The following HSD17B4 variants were observed in gnomAD, a reference collection of about 807,000 sequenced individuals.
HSD17B4 encodes hydroxysteroid 17-beta dehydrogenase 4, also known as peroxisomal multifunctional enzyme type 2.
In HSD17B4, 70 loss-of-function variants were observed where a neutral mutation model predicts 101.0. That is an observed-to-expected ratio of 0.69 (90% CI 0.57 to 0.85). The LOEUF (loss-of-function observed/expected upper bound fraction) is 0.85. Ranked by LOEUF, HSD17B4 falls within the 40% of genes least tolerant of loss-of-function variation. The probability of loss-of-function intolerance (pLI) is 0.00; values close to 1 mark genes in which losing one functional copy is unlikely to be tolerated. For synonymous variants in HSD17B4, 347 were observed against 297.1 expected, an observed-to-expected ratio of 1.17 and a Z score of -1.73; for missense variants, 984 against 892.4, an observed-to-expected ratio of 1.10 and a Z score of -1.31.
At chr5:119,456,511 C>T (rs986297873) in intron 2 of HSD17B4, 143 bp downstream of exon 2, 109 of 666,300 alleles carry the variant, frequency 1.6e-4, no homozygotes, top group Non-Finnish European at 1.0e-4. Context: ...GTTTTTACCC[C>T]GACTAAGGCT....
rs183990127 is a variant in HSD17B4, at chr5:119,464,228, A to C, written c.112+7860A>C. Reference sequence around the variant, plus strand: ...TTGTTTATTTTTGCTTTTGTTGCCTATGCTTCCGAGGTCTCATTTATAAAA... The same window carrying C: ...TTGTTTATTTTTGCTTTTGTTGCCTCTGCTTCCGAGGTCTCATTTATAAAA... On this transcript the variant is annotated intron_variant, in intron 2 of 23. Coordinates refer to ENST00000510025, the MANE Select transcript of HSD17B4 (RefSeq NM_000414.4). Among the ~76,000 whole-genome samples the C allele has an allele frequency of 2.6e-5, 4 of 152,104 alleles. No homozygotes were observed. The South Asian group carries it at 8.3e-4, about 32-fold the overall frequency.
chr5:119,492,318 C>A, intron 10 of HSD17B4, 194 bp downstream of exon 10: 1 of 612,746 alleles, frequency 1.6e-6, no homozygotes. Context: ...GTGGCCCTTT[C>A]AAGACCCTAT....
intron 14 of HSD17B4, 108 bp downstream of exon 14, chr5:119,502,200 A>G: frequency 1.3e-6 from 1 of 772,576 alleles, no homozygotes. Flanking sequence ...AATGAAACAT[A>G]TCACAAATTG....
intron 22 of HSD17B4, among the ~76,000 whole-genome samples, 179 bp downstream of exon 22, chr5:119,531,583 GTGTGTGTGTGTGTT>G (rs1424853340): frequency 6.6e-6 from 1 of 151,632 alleles, no homozygotes; most frequent in Non-Finnish European, 1.5e-5. Context: ...GTGTGTGTGT[GTGTGTGTGTGTGTT>G]TGTGTGTGTG....
At chr5:119,461,505 CT>C (rs1755233342) in intron 2 of HSD17B4, among the ~76,000 whole-genome samples, 1 of 152,110 alleles carries the variant, frequency 6.6e-6, no homozygotes, top group Non-Finnish European at 1.5e-5. Context: ...CTATTGATGC[CT>C]GATAATTTGG....
rs776640310 is a variant in HSD17B4, at chr5:119,478,900, A to G, written c.501A>G (p.Ala167=). 6.2e-7 allele frequency: 1 copy of G among 1,613,750 alleles called. No homozygotes were observed. Residue 167 remains alanine (A), a synonymous_variant, in exon 8 of 24, where the codon GCA becomes GCG. Transcript: ENST00000510025. ...GNFGQANYSA[A]KLGLLGLANS... ...TTGGCCAGGCCAATTATAGTGCTGC[A>G]AAGTTGGGTCTTCTGGGCCTTGCAA... is the stretch of plus-strand genomic sequence containing the variant.
chr5:119,455,007 A>C (rs1201425412), intron 1 of HSD17B4, among the ~76,000 whole-genome samples: 1 of 152,248 alleles, frequency 6.6e-6, no homozygotes, highest in Non-Finnish European at 1.5e-5. Context: ...CTAAATATAA[A>C]TTGTTAATTA....
At chr5:119,460,145 G>A (rs796239914) in intron 2 of HSD17B4, among the ~76,000 whole-genome samples, 79 of 152,146 alleles carry the variant, frequency 5.2e-4, no homozygotes, top group African/African-American at 1.9e-3. Flanking sequence ...AAAGTGCAGG[G>A]ATTACAGGTG....
intron 12 of HSD17B4, among the ~76,000 whole-genome samples, chr5:119,497,931 A>G (rs894024958): frequency 1.7e-4 from 26 of 152,130 alleles, no homozygotes; most frequent in African/African-American, 6.3e-4. Context: ...AGAAAAGGAT[A>G]TCTAGTTTAG....
At chr5:119,482,917 C>G (rs1377612461) in intron 8 of HSD17B4, among the ~76,000 whole-genome samples, 1 of 141,882 alleles carries the variant, frequency 7.0e-6, no homozygotes, top group Non-Finnish European at 1.5e-5. Context: ...TTCTTTTTTT[C>G]TTTTCCTTCC....
chr5:119,512,147 G>C (rs963348778), intron 16 of HSD17B4, among the ~76,000 whole-genome samples: 5 of 152,080 alleles, frequency 3.3e-5, no homozygotes, highest in African/African-American at 9.7e-5. Context: ...GATTGATAGT[G>C]ATTATACAAA....
At chr5:119,530,253 A>G (rs992322256) in intron 21 of HSD17B4, among the ~76,000 whole-genome samples, 1 of 152,206 alleles carries the variant, frequency 6.6e-6, no homozygotes. Flanking sequence ...TTGTTTAATC[A>G]GAATCTTAAG....
At chr5:119,501,431 T>G (rs1580630134) in intron 13 of HSD17B4, among the ~76,000 whole-genome samples, 2 of 152,082 alleles carry the variant, frequency 1.3e-5, no homozygotes. Context: ...CCTGTCCTGT[T>G]GTTTTCCTAT....
chr5:119,458,324 C>T (rs189001003), intron 2 of HSD17B4, among the ~76,000 whole-genome samples: 104 of 151,732 alleles, frequency 6.9e-4, no homozygotes, highest in African/African-American at 2.5e-3. Flanking sequence ...ACCGTGTTTC[C>T]AAGTTGCATC....
At chr5:119,458,961 G>C (rs936259086) in intron 2 of HSD17B4, among the ~76,000 whole-genome samples, 1 of 152,160 alleles carries the variant, frequency 6.6e-6, no homozygotes, top group African/African-American at 2.4e-5. Flanking sequence ...CTGACAAAAA[G>C]GAGCAAAAAG....
chr5:119,533,257 GT>G (rs1463833789), intron 22 of HSD17B4, among the ~76,000 whole-genome samples: 1 of 150,610 alleles, frequency 6.6e-6, no homozygotes, highest in African/African-American at 2.4e-5. Context: ...TCTCTGCTAG[GT>G]GGAGACTACA....
intron 10 of HSD17B4, chr5:119,492,364 G>C (rs1374192210): frequency 1.8e-6 from 1 of 547,416 alleles, no homozygotes; most frequent in Non-Finnish European, 3.3e-6. Flanking sequence ...TTCAGGACTT[G>C]TCCTGTTTTA....
At chr5:119,456,744 C>T (rs1754722236) in intron 2 of HSD17B4, 2 of 250,914 alleles carry the variant, frequency 8.0e-6, no homozygotes, top group Non-Finnish European at 1.6e-5. Flanking sequence ...AAAAAAAACC[C>T]TGTTTCTCAC....
chr5:119,477,420 T>C lies in HSD17B4; in HGVS notation c.353T>C (p.Ile118Thr), dbSNP rs139427751. The change falls in exon 7 of 24, where the codon ATA becomes ACA. Residue 118 changes from isoleucine to threonine, a missense_variant. Coordinates refer to ENST00000510025, the MANE Select transcript of HSD17B4 (RefSeq NM_000414.4). ...TAAAAATAATTTATTGTTTTAGATATAATCCACAGAGTTCATTTGCGGGGT... is the reference window on the plus strand; with the variant it reads ...TAAAAATAATTTATTGTTTTAGATACAATCCACAGAGTTCATTTGCGGGGT... ...FARISDEDWDIIHRVHLRGSF... is the reference protein window; with the variant it reads ...FARISDEDWDTIHRVHLRGSF... 2.5e-6 allele frequency: 4 copies of C among 1,600,726 alleles called. No individual in the cohort carries two copies. In the African/African-American group the frequency reaches 5.4e-5, roughly 21 times the overall value.
Sources: allele counts gnomAD v4.1 joint callset (sites outside exome capture counted in the v4.1 genomes callset), GRCh38; gene constraint gnomAD v4.1.1; transcripts MANE v1.5; gene names NCBI Gene and HGNC (gene_info 2026-07-23, HGNC 2026-07-21).